The following ZNF423 variants were observed in gnomAD, a reference collection of about 807,000 sequenced individuals.
The protein encoded by ZNF423 is zinc finger protein 423.
In ZNF423, 12 loss-of-function variants were observed where a neutral mutation model predicts 95.8. The ratio of observed to expected loss-of-function variants is 0.13; its 90% CI spans 0.08 to 0.20. The LOEUF is 0.20. ZNF423 is among the 10% of genes least tolerant of loss of function. The pLI is 1.00. For synonymous variants in ZNF423, 749 were observed against 711.9 expected (o/e 1.05, Z -0.83); for missense variants, 1,316 against 1,737.1 (o/e 0.76, Z 4.31).
intron 3 of ZNF423, among the ~76,000 whole-genome samples, chr16:49,685,120 CAGCTCA>C (rs1313665795): frequency 1.3e-5 from 2 of 152,178 alleles, no homozygotes; most frequent in Non-Finnish European, 1.5e-5. Flanking sequence ...CCAGGCACAA[CAGCTCA>C]AGCTCAAGCT....
At chr16:49,575,345 G>A (rs915170486) in intron 5 of ZNF423, among the ~76,000 whole-genome samples, 3 of 152,072 alleles carry the variant, frequency 2.0e-5, no homozygotes, top group Non-Finnish European at 4.4e-5. Flanking sequence ...CGGGTATTTA[G>A]CTCCTAATTT....
chr16:49,655,204 A>C (rs2029865249), intron 3 of ZNF423, among the ~76,000 whole-genome samples: 1 of 152,168 alleles, frequency 6.6e-6, no homozygotes, highest in African/African-American at 2.4e-5. Flanking sequence ...GCAGCTTAGA[A>C]GGTGCAATGA....
chr16:49,686,528 C>A (rs571478315), intron 3 of ZNF423, among the ~76,000 whole-genome samples: 1 of 152,138 alleles, frequency 6.6e-6, no homozygotes, highest in Non-Finnish European at 1.5e-5. Context: ...GGCCTGCGTA[C>A]GCCCCACACG....
rs939368784 is a variant in ZNF423 at position 49,626,062 on chromosome 16, C to T, written c.3601+108G>A. ...ATGTGCAATGTCTCAGAAACAGCAG[C>T]AGTGACTCTGTCCTTTGGCCTAAAA... On this transcript the variant is annotated intron_variant, in intron 5 of 7. Transcript: ENST00000563137. 3.2e-5 allele frequency: 34 copies of T among 1,052,700 alleles called. No homozygotes were observed. The Admixed American group carries it at 6.1e-4, about 19-fold the overall frequency. 65.2% of individuals were successfully genotyped at this position (1,052,700 alleles called of 1,614,324 possible).
intron 1 of ZNF423, among the ~76,000 whole-genome samples, chr16:49,802,572 G>A (rs2034598946): frequency 6.6e-6 from 1 of 152,218 alleles, no homozygotes; most frequent in East Asian, 1.9e-4. Flanking sequence ...TGGGACAAAG[G>A]CACAGTGTCA....
At chr16:49,815,866 CA>C (rs748352861) in intron 1 of ZNF423, among the ~76,000 whole-genome samples, 1 of 57,928 alleles carries the variant, frequency 1.7e-5, no homozygotes, top group African/African-American at 8.7e-5. Context: ...TAATTCCAAA[CA>C]AACAAAAAAA....
chr16:49,756,992 A>G (rs2033739594), intron 2 of ZNF423, among the ~76,000 whole-genome samples: 1 of 152,202 alleles, frequency 6.6e-6, no homozygotes, highest in Admixed American at 6.5e-5. Flanking sequence ...ACCTAACTAT[A>G]GTGAGAAGTC....
chr16:49,779,047 G>C (rs150877779), intron 2 of ZNF423, among the ~76,000 whole-genome samples: 1 of 152,206 alleles, frequency 6.6e-6, no homozygotes, highest in Admixed American at 6.5e-5. Context: ...TCTAAACAAA[G>C]TGAACAAAAC....
chr16:49,656,871 G>T (rs1230491961), intron 3 of ZNF423, among the ~76,000 whole-genome samples: 1 of 152,180 alleles, frequency 6.6e-6, no homozygotes, highest in Admixed American at 6.5e-5. Flanking sequence ...CCATTTTATA[G>T]ATGAGAAAAC....
chr16:49,666,934 G>C (rs192954727), intron 3 of ZNF423, among the ~76,000 whole-genome samples: 48 of 152,326 alleles, frequency 3.2e-4, no homozygotes, highest in African/African-American at 1.1e-3. Context: ...CAAGCCCATG[G>C]CCCAGTGGGG....
At chr16:49,679,777 G>A (rs1200508172) in intron 3 of ZNF423, among the ~76,000 whole-genome samples, 1 of 152,240 alleles carries the variant, frequency 6.6e-6, no homozygotes, top group Non-Finnish European at 1.5e-5. Context: ...AGCCAGAAAT[G>A]GCCTGAAACC....
chr16:49,518,973 A>G (rs1968273589), intron 7 of ZNF423, among the ~76,000 whole-genome samples: 1 of 152,234 alleles, frequency 6.6e-6, no homozygotes. Flanking sequence ...CTGAGGTGAA[A>G]GGATGACATG....
chr16:49,715,880 A>G (rs571223198), intron 3 of ZNF423, among the ~76,000 whole-genome samples: 1 of 151,290 alleles, frequency 6.6e-6, no homozygotes, highest in South Asian at 2.1e-4. Flanking sequence ...TATGCAAAAA[A>G]TCAAAAAAGT....
intron 1 of ZNF423, chr16:49,854,830 G>C (rs900099865): frequency 1.0e-6 from 1 of 985,416 alleles, no homozygotes; most frequent in African/African-American, 1.7e-5. Context: ...GAAGGGATGG[G>C]TGTGTGTATC....
chr16:49,682,639 G>A lies in ZNF423; in HGVS notation c.302-43765C>T, dbSNP rs534718573. ...GAAAGATGGGAAGAGAGGAGAGGTT[G>A]GTGGGGATGCTGAGCCGAAGGAAGA... On this transcript the variant is annotated intron_variant, in intron 3 of 7. Transcript: ENST00000563137. Among the ~76,000 whole-genome samples the A allele has an allele frequency of 3.9e-5, 6 of 152,324 alleles. No homozygotes were observed. The South Asian group carries it at 1.2e-3, about 32-fold the overall frequency.
intron 3 of ZNF423, among the ~76,000 whole-genome samples, chr16:49,690,823 T>G (rs1445409634): frequency 6.6e-6 from 1 of 152,044 alleles, no homozygotes; most frequent in Non-Finnish European, 1.5e-5. Flanking sequence ...GGGAGGGGGA[T>G]GGAGACCTGG....
At chr16:49,546,470 G>A (rs1275141257) in intron 5 of ZNF423, among the ~76,000 whole-genome samples, 2 of 152,154 alleles carry the variant, frequency 1.3e-5, no homozygotes, top group African/African-American at 4.8e-5. Context: ...AAGGTCACTC[G>A]GGGATAGAGT....
chr16:49,696,633 G>T (rs1315582363), intron 3 of ZNF423, among the ~76,000 whole-genome samples: 1 of 152,284 alleles, frequency 6.6e-6, no homozygotes, highest in South Asian at 2.1e-4. Flanking sequence ...CAGAGGCTGT[G>T]ACGGCACCTA....
chr16:49,515,881 G>T (rs752592297), intron 7 of ZNF423, among the ~76,000 whole-genome samples: 3 of 152,196 alleles, frequency 2.0e-5, no homozygotes, highest in Non-Finnish European at 2.9e-5. Context: ...CAGCTGGGCT[G>T]GTGGGCAGAG....
Sources: allele counts gnomAD v4.1 joint callset (sites outside exome capture counted in the v4.1 genomes callset), GRCh38; gene constraint gnomAD v4.1.1; transcripts MANE v1.5; gene names NCBI Gene and HGNC (gene_info 2026-07-23, HGNC 2026-07-21).